The following OPA3 variants were observed in gnomAD, a reference collection of about 807,000 sequenced individuals.
OPA3 encodes the protein outer mitochondrial membrane lipid metabolism regulator OPA3.
OPA3 carries 6 observed loss-of-function variants against 4.0 expected under a neutral mutation model. The observed-to-expected ratio is 1.51, with a 90% CI of 0.83 to 2.99. The LOEUF (loss-of-function observed/expected upper bound fraction) is 2.99. Among genes scored for constraint, OPA3 ranks in the 30% most tolerant of loss-of-function variants. The pLI, the probability that OPA3 is intolerant of heterozygous loss-of-function variation, is 0.00. For synonymous variants in OPA3, 105 were observed against 117.1 expected (o/e 0.90, Z 0.67); for missense variants, 235 against 256.2 (o/e 0.92, Z 0.56).
Position 45,548,026 on chromosome 19 carries a change from G to A in OPA3, c.*5488C>T. On this transcript the variant is annotated 3_prime_UTR_variant, in exon 2 of 2. Coordinates refer to ENST00000263275, the MANE Select transcript of OPA3 (RefSeq NM_025136.4). ...TTTCCTTCTTTATTGCCGGTCTCTG[G>A]CACTAGAATGTCAGCTCCAGTGAGG... 1.4e-6 allele frequency: 1 copy of A among 714,198 alleles called. No individual in the cohort carries two copies. The highest frequency in any genetic ancestry group is 1.7e-6 in the Non-Finnish European group (1 of 582,266). 44.2% of individuals were successfully genotyped at this position (714,198 alleles called of 1,614,324 possible). A position where few individuals can be genotyped will look rare whatever the true frequency, so the allele number is the denominator to read the frequency against.
At chr19:45,584,143 A>G (rs537437679) in intron 1 of OPA3, among the ~76,000 whole-genome samples, 1 of 152,162 alleles carries the variant, frequency 6.6e-6, no homozygotes, top group East Asian at 1.9e-4. Context: ...CTACAGTAAA[A>G]CTGAGGCACG....
chr19:45,539,793 T>C (rs1004312583), intron 1 of OPA3, among the ~76,000 whole-genome samples: 1 of 151,024 alleles, frequency 6.6e-6, no homozygotes, highest in Non-Finnish European at 1.5e-5. Flanking sequence ...TGCAATAAAA[T>C]GGACCATGCA....
chr19:45,548,009 T>C lies in OPA3; in HGVS notation c.*5505A>G. 4 of 652,484 alleles carry C rather than the reference T, an allele frequency of 6.1e-6. No individual in the cohort carries two copies. Among genetic ancestry groups the C allele is most frequent in the Non-Finnish European group, 7.6e-6 (4 of 525,792 alleles). The allele number at this position is 652,484 out of a possible 1,614,324, so 40.4% of individuals were successfully genotyped here. A position where few individuals can be genotyped will look rare whatever the true frequency, so the allele number is the denominator to read the frequency against. On this transcript the variant is annotated 3_prime_UTR_variant, in exon 2 of 2. Transcript: ENST00000263275. ...ACCACGCCTGGCCACTCTTTCCTTCTTTATTGCCGGTCTCTGGCACTAGAA... is the reference window on the plus strand; with the variant it reads ...ACCACGCCTGGCCACTCTTTCCTTCCTTATTGCCGGTCTCTGGCACTAGAA...
rs975201654 is a variant in OPA3, at chr19:45,564,327, G to C, written c.143-10416C>G. On this transcript the variant is annotated intron_variant, in intron 1 of 1. Transcript: ENST00000263275. ...GGCAGGTAGAGGGAAGAAGGGGAGA[G>C]GGGGAAAGGGCGGTGACAAGAAGCA... 4.2e-4 allele frequency among the ~76,000 whole-genome samples: 6 copies of C among 14,130 alleles called. No homozygotes were observed. The East Asian group carries it at 0.058, about 136-fold the overall frequency. 9.3% of individuals were successfully genotyped at this position (14,130 alleles called of 152,430 possible). A position where few individuals can be genotyped will look rare whatever the true frequency, so the allele number is the denominator to read the frequency against.
rs1969886078 is a variant in OPA3 at position 45,583,484 on chromosome 19, G to A, written c.142+1139C>T. On this transcript the variant is annotated intron_variant, in intron 1 of 1. Coordinates refer to ENST00000263275, the MANE Select transcript of OPA3 (RefSeq NM_025136.4). ...CTTTTTAAAGTAGTTTATATTTTGG[G>A]TGTTTACTAAGCCCTTTATTTCTAT... Among the ~76,000 whole-genome samples the A allele has an allele frequency of 2.0e-5, 3 of 150,444 alleles. No individual in the cohort carries two copies. The Admixed American group carries it at 2.0e-4, about 10-fold the overall frequency.
chr19:45,541,993 G>A (rs773649782), downstream of OPA3, among the ~76,000 whole-genome samples: 35 of 152,300 alleles, frequency 2.3e-4, no homozygotes, highest in Non-Finnish European at 4.6e-4. Flanking sequence ...TCTGACCTTG[G>A]AGTCCCTGAG....
rs757040753 is a variant in OPA3 at position 45,529,216 on chromosome 19, T to A, written c.383A>T (p.His128Leu). 1.9e-6 allele frequency: 3 copies of A among 1,612,438 alleles called. No individual in the cohort carries two copies. Among genetic ancestry groups the A allele is most frequent in the Non-Finnish European group, 1.7e-6 (2 of 1,179,784 alleles). Reference sequence around the variant, plus strand: ...CAACTCCTCGAGCGCCAGCCCCAAGTGGCCCACCTCGCCCCGCAGCGCCTC... The same window carrying A: ...CAACTCCTCGAGCGCCAGCCCCAAGAGGCCCACCTCGCCCCGCAGCGCCTC... Residue 128 changes from histidine (H) to leucine (L), a missense_variant, in exon 2 of 2, where the codon CAC becomes CTC. Transcript: ENST00000323060.
In OPA3 at chr19:45,550,236, G is replaced by A. The variant is rs770317628; in HGVS notation, c.*3278C>T. The A allele has an allele frequency of 2.9e-4, 288 of 985,342 alleles. No homozygotes were observed. The highest frequency in any genetic ancestry group is 3.4e-4 in the Non-Finnish European group (282 of 829,956). 61.0% of individuals were successfully genotyped at this position (985,342 alleles called of 1,614,324 possible). A position where few individuals can be genotyped will look rare whatever the true frequency, so the allele number is the denominator to read the frequency against. ...TGTTTCTTGGCTTTCTATCTGGGCAGATCTTGGTCCAGGCCAGTTTTACCT... is the reference window on the plus strand; with the variant it reads ...TGTTTCTTGGCTTTCTATCTGGGCAAATCTTGGTCCAGGCCAGTTTTACCT... On this transcript the variant is annotated 3_prime_UTR_variant, in exon 2 of 2. Transcript: ENST00000263275.
At chr19:45,576,285 C>T (rs1206706746) in intron 1 of OPA3, among the ~76,000 whole-genome samples, 1 of 151,940 alleles carries the variant, frequency 6.6e-6, no homozygotes, top group Admixed American at 6.6e-5. Context: ...AATCCCAGCA[C>T]TTTGGGAGGC....
In OPA3 at chr19:45,552,068, G is replaced by A. The variant is rs1969340990; in HGVS notation, c.*1446C>T. 1.0e-6 allele frequency: 1 copy of A among 985,446 alleles called. No individual in the cohort carries two copies. Among genetic ancestry groups the A allele is most frequent in the Non-Finnish European group, 1.2e-6 (1 of 830,012 alleles). The allele number at this position is 985,446 out of a possible 1,614,324, so 61.0% of individuals were successfully genotyped here. On this transcript the variant is annotated 3_prime_UTR_variant, in exon 2 of 2. Transcript: ENST00000263275. ...TCCCACCACGGAAAGGGGGGTTGGA[G>A]GACATTCACAGAAAAGATCCTGTAG...
intron 1 of OPA3, among the ~76,000 whole-genome samples, chr19:45,579,316 G>A (rs1969812380): frequency 2.6e-5 from 4 of 152,126 alleles, no homozygotes; most frequent in African/African-American, 9.7e-5. Context: ...TGCCTCTTGG[G>A]TTCAAGTGAT....
Position 45,550,128 on chromosome 19 carries a change from G to A in OPA3, c.*3386C>T, listed in dbSNP as rs1969310267. On this transcript the variant is annotated 3_prime_UTR_variant, in exon 2 of 2. Transcript: ENST00000263275. ...AGCCGAGATTGCACCACTGCACTCCGTCAGGGTGACGGAGCTAGACTGTCT... is the reference window on the plus strand; with the variant it reads ...AGCCGAGATTGCACCACTGCACTCCATCAGGGTGACGGAGCTAGACTGTCT... 3 of 861,436 alleles carry A rather than the reference G, an allele frequency of 3.5e-6. No individual in the cohort carries two copies. Among genetic ancestry groups the A allele is most frequent in the Non-Finnish European group, 4.2e-6 (3 of 716,894 alleles). The allele number at this position is 861,436 out of a possible 1,614,324, so 53.4% of individuals were successfully genotyped here.
chr19:45,531,091 A>AT lies in OPA3; in HGVS notation c.143-1636dup, dbSNP rs944769338. ...AGGCATGAGCTACCACACCCAGCCT[A>AT]TTTTTTTTTACTGTTTATTGGTAAC... On this transcript the variant is annotated intron_variant, in intron 1 of 1. Coordinates refer to the OPA3 transcript ENST00000323060. Among the ~76,000 whole-genome samples the AT allele has an allele frequency of 1.9e-3, 282 of 149,006 alleles. 1 individual carries two copies. Among genetic ancestry groups the AT allele is most frequent in the African/African-American group, 5.4e-3 (221 of 40,646 alleles).
At chr19:45,584,052 A>AG (rs929492124) in intron 1 of OPA3, among the ~76,000 whole-genome samples, 80 of 152,332 alleles carry the variant, frequency 5.3e-4, no homozygotes, top group African/African-American at 1.9e-3. Context: ...TCTGGCTCAA[A>AG]GTCCTTTTCC....
At position 45,547,416 on chromosome 19, in the gene OPA3, A is replaced by G. The variant is rs1010973167; in HGVS notation, c.*6098T>C. On this transcript the variant is annotated 3_prime_UTR_variant, in exon 2 of 2. Coordinates refer to ENST00000263275, the MANE Select transcript of OPA3 (RefSeq NM_025136.4). ...CCTGGGTTCCAATAAGTCTTTATTTACAAAGACAGGAAGCAAGGGTCCCCT... is the reference window on the plus strand; with the variant it reads ...CCTGGGTTCCAATAAGTCTTTATTTGCAAAGACAGGAAGCAAGGGTCCCCT... The G allele has an allele frequency of 6.6e-6, 1 of 152,240 alleles. No individual in the cohort carries two copies. Among genetic ancestry groups the G allele is most frequent in the African/African-American group, 2.4e-5 (1 of 41,458 alleles). 9.4% of individuals were successfully genotyped at this position (152,240 alleles called of 1,614,324 possible).
intron 1 of OPA3, among the ~76,000 whole-genome samples, chr19:45,581,062 T>A (rs1969848055): frequency 6.6e-6 from 1 of 152,206 alleles, no homozygotes; most frequent in Non-Finnish European, 1.5e-5. Context: ...AGCAATTAAC[T>A]GCTGCCCTCA....
rs187726504 is a variant in OPA3 at position 45,530,992 on chromosome 19, G to A, written c.143-1536C>T. ...TTTAGTAGAGACAGGGTTTCACTACGTTGGTCAGGCTGGTCTCGAACTCCT... is the reference window on the plus strand; with the variant it reads ...TTTAGTAGAGACAGGGTTTCACTACATTGGTCAGGCTGGTCTCGAACTCCT... On this transcript the variant is annotated intron_variant, in intron 1 of 1. Transcript: ENST00000323060. Among the ~76,000 whole-genome samples the A allele has an allele frequency of 1.3e-4, 14 of 105,922 alleles. No individual in the cohort carries two copies. In the East Asian group the frequency reaches 2.0e-3, roughly 15 times the overall value. The allele number at this position is 105,922 out of a possible 152,430, so 69.5% of individuals were successfully genotyped here. A position where few individuals can be genotyped will look rare whatever the true frequency, so the allele number is the denominator to read the frequency against.
chr19:45,551,998 T>C lies in OPA3; in HGVS notation c.*1516A>G. On this transcript the variant is annotated 3_prime_UTR_variant, in exon 2 of 2. Transcript: ENST00000263275. ...CTCTGAGGACAGGAAAATAGGGGGC[T>C]GAGGCTGAAGGACAGGCTGGATTAG... The C allele has an allele frequency of 1.0e-6, 1 of 985,536 alleles. No individual in the cohort carries two copies. The highest frequency in any genetic ancestry group is 1.2e-6 in the Non-Finnish European group (1 of 830,070). The allele number at this position is 985,536 out of a possible 1,614,324, so 61.0% of individuals were successfully genotyped here. A position where few individuals can be genotyped will look rare whatever the true frequency, so the allele number is the denominator to read the frequency against.
chr19:45,529,014 T>C (rs763313333), exon 2 of OPA3: 13 of 1,576,678 alleles, frequency 8.2e-6, no homozygotes, highest in African/African-American at 2.7e-5. Flanking sequence ...GACTTCGCAG[T>C]CCAGACAGCA....
Sources: allele counts gnomAD v4.1 joint callset (sites outside exome capture counted in the v4.1 genomes callset), GRCh38; gene constraint gnomAD v4.1.1; transcripts MANE v1.5; gene names NCBI Gene and HGNC (gene_info 2026-07-23, HGNC 2026-07-21).